Variants in AFF2 observed in about 807,000 individuals in gnomAD.
AFF2 encodes AF4/FMR2 family member 2.
In AFF2, 14 loss-of-function variants were observed where a neutral mutation model predicts 76.9. The observed-to-expected ratio is 0.18, with a 90% CI of 0.12 to 0.28. The LOEUF is 0.28. Ranked by LOEUF, AFF2 falls within the 10% of genes least tolerant of loss-of-function variation. AFF2 has a pLI of 1.00. For missense variants in AFF2, 868 were observed against 1,001.1 expected, an observed-to-expected ratio of 0.87 and a Z score of 1.79; for synonymous variants, 398 against 366.7, an observed-to-expected ratio of 1.09 and a Z score of -0.98.
rs781999860 is a variant in AFF2, at chrX:148,566,822, A to T, written c.47+65678A>T. On this transcript the variant is annotated intron_variant, in intron 1 of 20. Coordinates refer to ENST00000370460, the MANE Select transcript of AFF2 (RefSeq NM_002025.4). ...TATCAAGTTAATTTCACCTTAAGCC[A>T]AAATCTCCTTTGTAGCTCTTTATAA... Among the ~76,000 whole-genome samples the T allele has an allele frequency of 3.6e-5, 4 of 111,756 alleles. No individual in the cohort carries two copies. The South Asian group carries it at 1.5e-3, about 42-fold the overall frequency.
chrX:148,562,455 A>G (rs1557240833), intron 1 of AFF2, among the ~76,000 whole-genome samples: 2 of 111,343 alleles, frequency 1.8e-5, no homozygotes, highest in Non-Finnish European at 3.8e-5. Flanking sequence ...TCTGCAAGCA[A>G]CTCTCCAAAA....
intron 3 of AFF2, among the ~76,000 whole-genome samples, chrX:148,666,357 T>C (rs953102927): frequency 8.1e-5 from 9 of 111,019 alleles, no homozygotes; most frequent in Non-Finnish European, 1.3e-4. Flanking sequence ...GAGGTTGAGA[T>C]GGGCGGATCA....
intron 1 of AFF2, among the ~76,000 whole-genome samples, chrX:148,647,629 C>A (rs1213383744): frequency 6.3e-5 from 7 of 111,281 alleles, no homozygotes; most frequent in Non-Finnish European, 1.1e-4. Context: ...GAAAGGTGAC[C>A]AATGGAGTGC....
rs782528770 is a variant in AFF2, at chrX:148,966,135, C to G, written c.2914-655C>G. Among the ~76,000 whole-genome samples, 3 of 112,025 alleles carry G rather than the reference C, an allele frequency of 2.7e-5. No homozygotes were observed. In the South Asian group the frequency reaches 1.1e-3, roughly 43 times the overall value. ...GGACCTGGTAGAAATGAGGCTTCAC[C>G]ATCCTAAGATTGCAAAACAAAATGG... is the stretch of plus-strand genomic sequence containing the variant. On this transcript the variant is annotated intron_variant, in intron 13 of 20. Coordinates refer to ENST00000370460, the MANE Select transcript of AFF2 (RefSeq NM_002025.4).
chrX:148,609,147 G>A (rs1047178698), intron 1 of AFF2, among the ~76,000 whole-genome samples: 5 of 111,009 alleles, frequency 4.5e-5, no homozygotes, highest in African/African-American at 9.8e-5. Flanking sequence ...TAGGGGGCTC[G>A]CATATAGATT....
intron 13 of AFF2, among the ~76,000 whole-genome samples, chrX:148,964,628 C>T (rs1452686528): frequency 9.0e-6 from 1 of 111,383 alleles, no homozygotes; most frequent in African/African-American, 3.3e-5. Context: ...GGGTTGCAAG[C>T]GCCTAAGGCA....
chrX:148,899,545 G>C (rs1557280666), intron 8 of AFF2, among the ~76,000 whole-genome samples: 1 of 111,922 alleles, frequency 8.9e-6, no homozygotes, highest in African/African-American at 3.2e-5. Flanking sequence ...TTGTTTTTCT[G>C]TCTTTTTCCA....
At chrX:148,652,306 A>G (rs1036018249) in intron 2 of AFF2, among the ~76,000 whole-genome samples, 175 bp downstream of exon 2, 12 of 112,183 alleles carry the variant, frequency 1.1e-4, no homozygotes, top group African/African-American at 3.9e-4. Context: ...AAGTCTTCAG[A>G]AACAAATTTC....
chrX:148,651,060 G>A (rs187543989), intron 1 of AFF2, among the ~76,000 whole-genome samples: 147 of 112,062 alleles, frequency 1.3e-3, no homozygotes, highest in African/African-American at 4.0e-3. Context: ...AAAGCCCAGT[G>A]AATAAAATAA....
chrX:148,975,477 A>C (rs782684987), intron 16 of AFF2, among the ~76,000 whole-genome samples: 5 of 112,237 alleles, frequency 4.5e-5, no homozygotes, highest in African/African-American at 1.6e-4. Context: ...ATCGAGCTGC[A>C]GAATAACATG....
chrX:148,891,262 C>G (rs2071219956), intron 8 of AFF2, among the ~76,000 whole-genome samples: 1 of 111,165 alleles, frequency 9.0e-6, no homozygotes, highest in Non-Finnish European at 1.9e-5. Flanking sequence ...CACTAAACCT[C>G]TGGTTTTTCT....
At chrX:148,779,692 C>G (rs2069716348) in intron 3 of AFF2, among the ~76,000 whole-genome samples, 1 of 111,956 alleles carries the variant, frequency 8.9e-6, no homozygotes, top group Admixed American at 9.5e-5. Context: ...CGTCTTGGCT[C>G]TTTATCCAGT....
intron 2 of AFF2, among the ~76,000 whole-genome samples, chrX:148,656,551 G>A (rs1557257126): frequency 1.1e-5 from 1 of 92,978 alleles, no homozygotes; most frequent in Non-Finnish European, 2.1e-5. Flanking sequence ...CCAGGCTGGA[G>A]TGCAGTGGCG....
At chrX:148,967,134 G>A (rs1487649488) in intron 14 of AFF2, 55 bp downstream of exon 14, 1 of 1,185,731 alleles carries the variant, frequency 8.4e-7, no homozygotes, top group African/African-American at 1.7e-5. Context: ...GGGGGTGGGG[G>A]TAGCATGGCT....
chrX:148,629,336 A>C (rs73618396), intron 1 of AFF2, among the ~76,000 whole-genome samples: 19,236 of 111,351 alleles, frequency 0.17, 1,237 homozygotes, highest in Non-Finnish European at 0.2. Flanking sequence ...TATGCTTTCA[A>C]GTGGCAAATT....
intron 1 of AFF2, among the ~76,000 whole-genome samples, chrX:148,581,034 T>TGTATATAC (rs1557244415): frequency 1.0e-5 from 1 of 95,282 alleles, no homozygotes; most frequent in Non-Finnish European, 2.1e-5. Context: ...TGTGTATATA[T>TGTATATAC]ACACACATAT....
rs986140846 is a variant in AFF2 at position 148,996,786 on chromosome X, T to C, written c.*5454T>C. On this transcript the variant is annotated 3_prime_UTR_variant, in exon 21 of 21. Coordinates refer to ENST00000370460, the MANE Select transcript of AFF2 (RefSeq NM_002025.4). ...CAATGGAGATGGTTCCATCATCTCC[T>C]TCCATATCTCACAGGTAAAATGGGC... 6 of 112,143 alleles carry C rather than the reference T, an allele frequency of 5.4e-5. No homozygotes were observed. Among genetic ancestry groups the C allele is most frequent in the Non-Finnish European group, 7.5e-5 (4 of 53,188 alleles). 9.2% of individuals were successfully genotyped at this position (112,143 alleles called of 1,213,427 possible).
chrX:148,862,023 G>A (rs2070854053), intron 7 of AFF2, among the ~76,000 whole-genome samples: 1 of 109,964 alleles, frequency 9.1e-6, no homozygotes, highest in Non-Finnish European at 1.9e-5. Context: ...TGGCTGGCTG[G>A]GATCATCTTC....
chrX:148,741,567 C>T (rs1367237291), intron 3 of AFF2, among the ~76,000 whole-genome samples: 2 of 111,214 alleles, frequency 1.8e-5, no homozygotes, highest in African/African-American at 3.3e-5. Flanking sequence ...TTCCTCCTCT[C>T]AGCTGCTGAA....
Sources: allele counts gnomAD v4.1 joint callset (sites outside exome capture counted in the v4.1 genomes callset), GRCh38; gene constraint gnomAD v4.1.1; transcripts MANE v1.5; gene names NCBI Gene and HGNC (gene_info 2026-07-23, HGNC 2026-07-21).